The following GPD2 variants were observed in gnomAD, a reference collection of about 807,000 sequenced individuals.
GPD2 encodes the protein glycerol-3-phosphate dehydrogenase 2, also known as glycerol-3-phosphate dehydrogenase, mitochondrial.
In GPD2, 54 loss-of-function variants were observed where a neutral mutation model predicts 82.4. The ratio of observed to expected loss-of-function variants is 0.66; its 90% confidence interval spans 0.53 to 0.82. GPD2 has a LOEUF of 0.82. Ranked by LOEUF, GPD2 falls within the 40% of genes least tolerant of loss-of-function variation. The pLI, the probability that GPD2 is intolerant of heterozygous loss-of-function variation, is 0.00. For missense variants in GPD2, 748 were observed against 896.2 expected (o/e 0.83, Z 2.11); for synonymous variants, 288 against 306.1 (o/e 0.94, Z 0.62).
At chr2:156,569,602 ACTGGCAGCAAT>A (rs147508905) in intron 11 of GPD2, 64 bp downstream of exon 11, 148,490 of 1,216,780 alleles carry the variant, frequency 0.12, 9,782 homozygotes, top group Non-Finnish European at 0.14. Flanking sequence ...CAGTGACAGA[ACTGGCAGCAAT>A]CAGGTCTCCC....
intron 6 of GPD2, among the ~76,000 whole-genome samples, chr2:156,537,029 A>G (rs938252884): frequency 6.6e-6 from 1 of 152,220 alleles, no homozygotes. Context: ...GCAGAGTTCT[A>G]GTTCAACTAG....
intron 6 of GPD2, among the ~76,000 whole-genome samples, chr2:156,532,597 T>G (rs916075747): frequency 2.0e-5 from 3 of 152,218 alleles, no homozygotes; most frequent in African/African-American, 7.2e-5. Flanking sequence ...GAACTTGAAA[T>G]TTTAGAGCCA....
chr2:156,484,619 C>T, intron 2 of GPD2, among the ~76,000 whole-genome samples: 1 of 151,928 alleles, frequency 6.6e-6, no homozygotes, highest in Non-Finnish European at 1.5e-5. Flanking sequence ...GCAGGTGGAT[C>T]ACCTGAAGTC....
Position 156,451,544 on chromosome 2 carries a change from C to T in GPD2, c.-9+15031C>T, listed in dbSNP as rs1329405649. On this transcript the variant is annotated intron_variant, in intron 1 of 16. Coordinates refer to ENST00000438166, the MANE Select transcript of GPD2 (RefSeq NM_000408.5). Reference sequence around the variant, plus strand: ...CTGACCCCCCCACCTCCCTCCCAGACGGGGCGGCTGGCCGGGCGGGGGTCT... The same window carrying T: ...CTGACCCCCCCACCTCCCTCCCAGATGGGGCGGCTGGCCGGGCGGGGGTCT... 1.5e-5 allele frequency among the ~76,000 whole-genome samples: 2 copies of T among 132,314 alleles called. 1 individual carries two copies. Among genetic ancestry groups the T allele is most frequent in the East Asian group, 4.9e-4 (2 of 4,070 alleles). The allele number at this position is 132,314 out of a possible 152,430, so 86.8% of individuals were successfully genotyped here. A position where few individuals can be genotyped will look rare whatever the true frequency, so the allele number is the denominator to read the frequency against.
At position 156,568,866 on chromosome 2, in the gene GPD2, C is replaced by A. The variant is rs145811486; in HGVS notation, c.1207C>A (p.Pro403Thr). The change falls in exon 10 of 17, where the codon CCT becomes ACT. Residue 403 changes from proline (P) to threonine (T), a missense_variant. This residue lies in a region of GPD2 where 692 missense variants were observed against 809.7 expected (regional missense o/e 0.85). Transcript: ENST00000438166. Reference sequence around the variant, plus strand: ...CCTGGCAGCATGGAGTGGAATCCGTCCTCTTGTTACAGACCCCAAATCTGC... The same window carrying A: ...CCTGGCAGCATGGAGTGGAATCCGTACTCTTGTTACAGACCCCAAATCTGC... ...DVLAAWSGIR[P>T]LVTDPKSADT... 6.2e-7 allele frequency: 1 copy of A among 1,612,388 alleles called. No individual in the cohort carries two copies. Among genetic ancestry groups the A allele is most frequent in the Non-Finnish European group, 8.5e-7 (1 of 1,178,694 alleles).
chr2:156,516,201 A>G (rs1685190560), intron 6 of GPD2, among the ~76,000 whole-genome samples: 1 of 152,220 alleles, frequency 6.6e-6, no homozygotes, highest in South Asian at 2.1e-4. Context: ...CATACTCTTC[A>G]TAAATCACCA....
At chr2:156,480,043 G>A (rs1201308837) in intron 2 of GPD2, among the ~76,000 whole-genome samples, 1 of 152,186 alleles carries the variant, frequency 6.6e-6, no homozygotes, top group African/African-American at 2.4e-5. Context: ...TCACTATTTA[G>A]TATAGGTTGG....
At chr2:156,555,708 G>GA (rs1308866666) in intron 8 of GPD2, among the ~76,000 whole-genome samples, 1 of 152,022 alleles carries the variant, frequency 6.6e-6, no homozygotes, top group African/African-American at 2.4e-5. Flanking sequence ...TAAATACAAA[G>GA]AAAAAATAAT....
intron 1 of GPD2, among the ~76,000 whole-genome samples, chr2:156,472,497 T>C (rs992675835): frequency 1.3e-5 from 2 of 152,074 alleles, no homozygotes; most frequent in African/African-American, 4.8e-5. Context: ...AATTTTTGTA[T>C]TTTTAGTAGA....
chr2:156,548,217 T>G lies in GPD2; in HGVS notation c.662-1391T>G, dbSNP rs114035819. 9.3e-3 allele frequency among the ~76,000 whole-genome samples: 1,413 copies of G among 152,332 alleles called. 6 individuals carry two copies. The highest frequency in any genetic ancestry group is 0.012 in the Non-Finnish European group (811 of 68,028). ...CAATTTTAAGCAAGGAACCCTACAT[T>G]AATAAAAATTGATTTCTTCAGCTTA... is the stretch of plus-strand genomic sequence containing the variant. On this transcript the variant is annotated intron_variant, in intron 6 of 16. Coordinates refer to ENST00000438166, the MANE Select transcript of GPD2 (RefSeq NM_000408.5).
intron 13 of GPD2, among the ~76,000 whole-genome samples, chr2:156,576,099 A>G (rs769378203): frequency 6.6e-6 from 1 of 152,260 alleles, no homozygotes; most frequent in Non-Finnish European, 1.5e-5. Flanking sequence ...TAGATTTGAC[A>G]AGGCTTAACA....
At chr2:156,406,995 GA>G in the GPD2 span, among the ~76,000 whole-genome samples, 1 of 152,194 alleles carries the variant, frequency 6.6e-6, no homozygotes, top group Non-Finnish European at 1.5e-5. Context: ...CAGATCACCT[GA>G]GGTCACGAGT....
chr2:156,579,420 C>G (rs1219516915), intron 15 of GPD2, among the ~76,000 whole-genome samples: 1 of 151,212 alleles, frequency 6.6e-6, no homozygotes, highest in Non-Finnish European at 1.5e-5. Context: ...CCTCCTCCTC[C>G]TGGGTTCAAG....
intron 3 of GPD2, among the ~76,000 whole-genome samples, chr2:156,506,769 G>A (rs1684799902): frequency 6.6e-6 from 1 of 152,070 alleles, no homozygotes; most frequent in African/African-American, 2.4e-5. Context: ...CATTCCTGCA[G>A]TCAGATTAAT....
intron 6 of GPD2, among the ~76,000 whole-genome samples, chr2:156,549,191 C>T (rs544809777): frequency 1.7e-4 from 26 of 152,274 alleles, no homozygotes; most frequent in African/African-American, 6.0e-4. Flanking sequence ...TAAAAATACT[C>T]ATAAAAATTG....
intron 6 of GPD2, among the ~76,000 whole-genome samples, chr2:156,535,612 T>A (rs1026194929): frequency 1.3e-5 from 2 of 152,180 alleles, no homozygotes; most frequent in African/African-American, 2.4e-5. Flanking sequence ...GTGGCTTACC[T>A]CTTTATTTGT....
the GPD2 span, among the ~76,000 whole-genome samples, chr2:156,404,235 T>C: frequency 1.3e-5 from 2 of 151,708 alleles, no homozygotes; most frequent in Non-Finnish European, 2.9e-5. Flanking sequence ...TAAAAAAAAA[T>C]TACCCAGGTG....
At chr2:156,561,091 A>G (rs1051913347) in intron 9 of GPD2, among the ~76,000 whole-genome samples, 4 of 90,130 alleles carry the variant, frequency 4.4e-5, no homozygotes, top group Non-Finnish European at 6.3e-5. Flanking sequence ...TTTGTAGCTC[A>G]GGCTGGTATG....
chr2:156,459,006 AAT>A (rs56055627), intron 1 of GPD2, among the ~76,000 whole-genome samples: 48,114 of 149,788 alleles, frequency 0.32, 9,050 homozygotes, highest in Non-Finnish European at 0.44. Context: ...TTAAAATAGA[AAT>A]ATATATATAT....
Sources: allele counts gnomAD v4.1 joint callset (sites outside exome capture counted in the v4.1 genomes callset), GRCh38; gene constraint gnomAD v4.1.1; regional missense constraint gnomAD v4.1.1; transcripts MANE v1.5; gene names NCBI Gene and HGNC (gene_info 2026-07-23, HGNC 2026-07-21).